TOX2: variants seen among roughly 807,000 people sequenced by gnomAD.
TOX2 encodes the protein TOX high mobility group box family member 2, also known as granulosa cell HMG box 1.
In TOX2, 15 loss-of-function variants were observed where a neutral mutation model predicts 47.4. The observed-to-expected ratio is 0.32, with a 90% CI of 0.21 to 0.49. The LOEUF is 0.49. Among genes scored for constraint, TOX2 ranks in the 20% least tolerant of loss-of-function variants. The pLI, the probability that TOX2 is intolerant of heterozygous loss-of-function variation, is 0.99. For missense variants in TOX2, 622 were observed against 673.1 expected (o/e 0.92, Z 0.84); for synonymous variants, 290 against 296.6 (o/e 0.98, Z 0.23).
intron 2 of TOX2, among the ~76,000 whole-genome samples, chr20:43,974,779 G>A (rs2070045211): frequency 1.3e-5 from 2 of 152,256 alleles, no homozygotes; most frequent in South Asian, 4.1e-4. Flanking sequence ...GGAAGATACT[G>A]TAGTCTCAGT....
intron 2 of TOX2, among the ~76,000 whole-genome samples, chr20:43,978,752 A>G (rs2070121606): frequency 6.9e-6 from 1 of 145,188 alleles, no homozygotes; most frequent in African/African-American, 2.6e-5. Context: ...TACAGGAATT[A>G]TTGAAAGAAC....
intron 1 of TOX2, chr20:43,945,926 G>T (rs1200526715): frequency 6.2e-7 from 1 of 1,613,076 alleles, no homozygotes; most frequent in South Asian, 1.1e-5. Flanking sequence ...CAGCAGACTC[G>T]CACAGAGGCT....
intron 1 of TOX2, among the ~76,000 whole-genome samples, chr20:43,964,216 C>T (rs1320738387): frequency 1.3e-5 from 2 of 152,080 alleles, no homozygotes; most frequent in African/African-American, 2.4e-5. Context: ...GGTGATGGAC[C>T]TGGAGTTGGT....
At chr20:43,966,252 G>A (rs534956679) in intron 1 of TOX2, among the ~76,000 whole-genome samples, 48 of 152,316 alleles carry the variant, frequency 3.2e-4, no homozygotes, top group African/African-American at 1.1e-3. Flanking sequence ...TACCCAGTAT[G>A]TTACACTGCA....
At chr20:44,039,267 C>T (rs1440872673) in intron 3 of TOX2, 1 of 1,289,402 alleles carries the variant, frequency 7.8e-7, no homozygotes, top group African/African-American at 1.5e-5. Flanking sequence ...GGGCAGGTGT[C>T]CAGTCTAGAG....
rs748629118 is a variant in TOX2 at position 44,065,871 on chromosome 20, G to A, written c.1120G>A (p.Ala374Thr). The A allele has an allele frequency of 3.0e-5, 48 of 1,613,148 alleles. No individual in the cohort carries two copies. The highest frequency in any genetic ancestry group is 1.9e-4 in the South Asian group (17 of 91,020). ...CAGTGGGGCCTCCCCTGCCAGCCTC[G>A]CCCGGACGCTGGGCTCCAAGTCTCT... is the stretch of plus-strand genomic sequence containing the variant. ...FRSGASPASLARTLGSKSLLP... is the reference protein window; with the variant it reads ...FRSGASPASLTRTLGSKSLLP... The change falls in exon 7 of 9, where the codon GCC becomes ACC. Residue 374 changes from alanine (A) to threonine (T), a missense_variant. Ala to Thr is a moderately conservative substitution (Grantham distance 58, BLOSUM62 0). Around this residue, in one of 3 missense-constraint regions of TOX2, gnomAD observed 294 missense variants for 300.0 expected, o/e 0.98. Transcript: ENST00000341197.
chr20:43,950,736 C>T (rs1162886577), intron 1 of TOX2, among the ~76,000 whole-genome samples: 1 of 152,110 alleles, frequency 6.6e-6, no homozygotes, highest in Non-Finnish European at 1.5e-5. Flanking sequence ...CAATACCCCT[C>T]ACCTGCTCAA....
intron 1 of TOX2, among the ~76,000 whole-genome samples, chr20:43,951,707 G>GTTTTTTT (rs59829203): frequency 0.014 from 744 of 55,052 alleles, 172 homozygotes; most frequent in East Asian, 0.051. Flanking sequence ...AACTTATTAT[G>GTTTTTTT]TTTTTTTTTT....
Position 44,065,787 on chromosome 20 carries a change from A to G in TOX2, c.1036A>G (p.Met346Val), listed in dbSNP as rs765633424. The change falls in exon 7 of 9, where the codon ATG becomes GTG. Residue 346 changes from methionine to valine, a missense_variant. Met to Val is a conservative substitution (Grantham distance 21, BLOSUM62 1). Coordinates refer to ENST00000341197, the MANE Select transcript of TOX2 (RefSeq NM_001098797.2). ...PAKMLPPKQP[M>V]YAMPGLASFL... ...CAAAATGCTCCCACCCAAGCAGCCC[A>G]TGTATGCCATGCCAGGCCTGGCCTC... is the stretch of plus-strand genomic sequence containing the variant. 6.2e-7 allele frequency: 1 copy of G among 1,613,234 alleles called. No homozygotes were observed. Among genetic ancestry groups the G allele is most frequent in the Non-Finnish European group, 8.5e-7 (1 of 1,179,330 alleles).
intron 2 of TOX2, among the ~76,000 whole-genome samples, chr20:44,002,233 G>T (rs983198002): frequency 6.6e-6 from 1 of 152,116 alleles, no homozygotes. Context: ...ACAATTCCTT[G>T]TGTGTGTCCC....
At chr20:44,004,446 T>C (rs556495838) in intron 2 of TOX2, among the ~76,000 whole-genome samples, 117 of 152,280 alleles carry the variant, frequency 7.7e-4, no homozygotes, top group African/African-American at 2.7e-3. Context: ...GACATGGTCA[T>C]GGCCTGTTCC....
intron 3 of TOX2, among the ~76,000 whole-genome samples, chr20:44,022,723 C>A (rs2070995268): frequency 6.6e-6 from 1 of 152,224 alleles, no homozygotes; most frequent in Non-Finnish European, 1.5e-5. Context: ...GTGAGCCCCT[C>A]AGCCCTGGCA....
At chr20:43,940,436 C>G (rs2069387697) in intron 1 of TOX2, among the ~76,000 whole-genome samples, 1 of 151,408 alleles carries the variant, frequency 6.6e-6, no homozygotes, top group South Asian at 2.1e-4. Flanking sequence ...GTTGCCCAGG[C>G]TGCTCTTGAA....
At chr20:44,007,115 G>A in intron 3 of TOX2, 1 of 309,830 alleles carries the variant, frequency 3.2e-6, no homozygotes, top group Non-Finnish European at 6.0e-6. Flanking sequence ...GTTTTATTGA[G>A]GTATAATTTA....
intron 2 of TOX2, among the ~76,000 whole-genome samples, chr20:44,002,691 A>G (rs1223573419): frequency 6.6e-6 from 1 of 152,124 alleles, no homozygotes; most frequent in Non-Finnish European, 1.5e-5. Context: ...TCAGCTTTTG[A>G]TGAGGCCTCA....
intron 1 of TOX2, among the ~76,000 whole-genome samples, chr20:43,963,185 C>A (rs2069792110): frequency 6.6e-6 from 1 of 152,092 alleles, no homozygotes; most frequent in African/African-American, 2.4e-5. Flanking sequence ...CAATGATTCC[C>A]ACCTCCCAGA....
intron 3 of TOX2, among the ~76,000 whole-genome samples, chr20:44,024,748 T>C (rs2071033110): frequency 6.6e-6 from 1 of 152,208 alleles, no homozygotes; most frequent in South Asian, 2.1e-4. Context: ...AAGTATCTTT[T>C]CAGTCTTATC....
intron 1 of TOX2, among the ~76,000 whole-genome samples, chr20:43,932,578 T>G (rs2069266410): frequency 1.3e-5 from 2 of 152,238 alleles, no homozygotes. Context: ...GGGTGCCTCC[T>G]GTCCAAACAC....
At chr20:44,001,035 C>A (rs116384557) in intron 2 of TOX2, among the ~76,000 whole-genome samples, 1 of 151,972 alleles carries the variant, frequency 6.6e-6, no homozygotes, top group Non-Finnish European at 1.5e-5. Flanking sequence ...TAAGAAAGAA[C>A]GAGTGGAAAT....
Sources: gnomAD v4.1 joint callset for allele counts (sites outside exome capture counted in the v4.1 genomes callset) on GRCh38, gnomAD v4.1.1 for gene constraint, gnomAD v4.1.1 regional missense constraint, MANE v1.5 for transcripts, NCBI Gene and HGNC (gene_info 2026-07-23, HGNC 2026-07-21) for gene names.